FBXO42: variants seen among roughly 807,000 people sequenced by gnomAD.
FBXO42 encodes the protein F-box protein 42, also known as F-box only protein 42.
Under a neutral mutation model 71.7 loss-of-function variants are expected in FBXO42, and 12 were observed. The observed-to-expected ratio is 0.17, with a 90% confidence interval of 0.11 to 0.27. FBXO42 has a LOEUF of 0.27. Among genes scored for constraint, FBXO42 ranks in the 10% least tolerant of loss-of-function variants. The pLI is 1.00. For synonymous variants in FBXO42, 325 were observed against 327.5 expected (o/e 0.99, Z 0.08); for missense variants, 707 against 911.9 (o/e 0.78, Z 2.89).
chr1:16,273,181 CG>C (rs1291999485), intron 4 of FBXO42, among the ~76,000 whole-genome samples: 1 of 152,120 alleles, frequency 6.6e-6, no homozygotes, highest in African/African-American at 2.4e-5. Context: ...GTTAAACAAC[CG>C]GTAACCAGCA....
At chr1:16,332,334 T>C (rs528746111) in intron 1 of FBXO42, among the ~76,000 whole-genome samples, 7 of 152,282 alleles carry the variant, frequency 4.6e-5, no homozygotes, top group African/African-American at 9.6e-5. Flanking sequence ...TTGTTATTAT[T>C]ACCATTGCTA....
At chr1:16,309,440 A>G (rs2082289908) in intron 2 of FBXO42, among the ~76,000 whole-genome samples, 1 of 152,174 alleles carries the variant, frequency 6.6e-6, no homozygotes, top group Non-Finnish European at 1.5e-5. Context: ...TAAAATCTAC[A>G]TGCAAGAAAA....
intron 1 of FBXO42, among the ~76,000 whole-genome samples, chr1:16,322,641 GT>G (rs2082417637): frequency 6.6e-6 from 1 of 152,018 alleles, no homozygotes; most frequent in Non-Finnish European, 1.5e-5. Flanking sequence ...ACACAAATCA[GT>G]TTCTAAAGTC....
At chr1:16,322,071 T>TA (rs200464601) in intron 1 of FBXO42, among the ~76,000 whole-genome samples, 2,604 of 152,032 alleles carry the variant, frequency 0.017, 73 homozygotes, top group African/African-American at 0.059. Flanking sequence ...CTGGGACATG[T>TA]AAAAAAAATT....
At chr1:16,326,776 G>A (rs1216020894) in intron 1 of FBXO42, among the ~76,000 whole-genome samples, 2 of 151,562 alleles carry the variant, frequency 1.3e-5, no homozygotes, top group African/African-American at 2.4e-5. Flanking sequence ...AAACACGTAA[G>A]CCAGAATCAA....
intron 4 of FBXO42, among the ~76,000 whole-genome samples, chr1:16,290,756 G>A (rs1341865490): frequency 5.3e-5 from 8 of 151,466 alleles, no homozygotes; most frequent in Admixed American, 3.3e-4. Context: ...GAAGGTGGCA[G>A]TCTGCAAACC....
intron 3 of FBXO42, among the ~76,000 whole-genome samples, chr1:16,302,867 C>G (rs1045506589): frequency 1.3e-5 from 2 of 152,106 alleles, no homozygotes; most frequent in African/African-American, 4.8e-5. Context: ...ATAACAAGAA[C>G]AGCATGGAGG....
intron 1 of FBXO42, among the ~76,000 whole-genome samples, chr1:16,350,757 A>AAAAAAGAAAG (rs1553156683): frequency 2.1e-3 from 93 of 44,274 alleles, no homozygotes; most frequent in Non-Finnish European, 3.4e-3. Flanking sequence ...AAAAAAAAAA[A>AAAAAAGAAAG]AAAGAAAGAA....
rs1215604854 is a variant in FBXO42 at position 16,249,558 on chromosome 1, TGCTTTGG to T, written c.*1105_*1111del. ...AAATATGGGATGAGTGTGCTCAATG[TGCTTTGG>T]AAGTAAAAAGAAGCCCATAGGGAAA... On this transcript the variant is annotated 3_prime_UTR_variant, in exon 10 of 10. Transcript: ENST00000375592. The T allele has an allele frequency of 6.6e-6, 1 of 152,234 alleles. No individual in the cohort carries two copies. Among genetic ancestry groups the T allele is most frequent in the African/African-American group, 2.4e-5 (1 of 41,464 alleles). 9.4% of individuals were successfully genotyped at this position (152,234 alleles called of 1,614,324 possible).
At chr1:16,295,567 A>G (rs1284644659) in intron 3 of FBXO42, among the ~76,000 whole-genome samples, 1 of 151,718 alleles carries the variant, frequency 6.6e-6, no homozygotes, top group Admixed American at 6.6e-5. Flanking sequence ...ATTTTTTTGT[A>G]TTTTTAGTAG....
At position 16,336,113 on chromosome 1, in the gene FBXO42, T is replaced by C. The variant is rs138471662; in HGVS notation, c.-18+16142A>G. On this transcript the variant is annotated intron_variant, in intron 1 of 9. Coordinates refer to ENST00000375592, the MANE Select transcript of FBXO42 (RefSeq NM_018994.3). ...CCACCATGCCCGGCTAATTTTTCTG[T>C]TTTTAGTAGAGATGGGGTTTCACCA... Among the ~76,000 whole-genome samples the C allele has an allele frequency of 2.6e-3, 388 of 151,500 alleles. 1 individual carries two copies. Among genetic ancestry groups the C allele is most frequent in the Non-Finnish European group, 4.0e-3 (269 of 67,870 alleles).
intron 4 of FBXO42, among the ~76,000 whole-genome samples, chr1:16,259,854 A>AT (rs1354396009): frequency 6.6e-6 from 1 of 152,140 alleles, no homozygotes; most frequent in Non-Finnish European, 1.5e-5. Context: ...TTTTAAAAGT[A>AT]TTCATAAAAC....
chr1:16,284,247 A>G (rs192385002), intron 4 of FBXO42, among the ~76,000 whole-genome samples: 302 of 152,324 alleles, frequency 2.0e-3, no homozygotes, highest in Non-Finnish European at 3.5e-3. Context: ...AGGATTTCCA[A>G]TGGTTTCTGT....
chr1:16,347,558 A>T (rs2082662987), intron 1 of FBXO42, among the ~76,000 whole-genome samples: 1 of 152,014 alleles, frequency 6.6e-6, no homozygotes, highest in Non-Finnish European at 1.5e-5. Context: ...TACAAATTAA[A>T]AAGTAGAAAT....
In FBXO42 at chr1:16,256,759, C is replaced by G; in HGVS notation, c.503G>C (p.Gly168Ala). Residue 168 changes from glycine (G) to alanine (A), a missense_variant and splice_region_variant, in exon 5 of 10, where the codon GGG becomes GCG. Physicochemically the swap from Gly to Ala is moderately conservative, Grantham distance 60 (BLOSUM62 0). Coordinates refer to ENST00000375592, the MANE Select transcript of FBXO42 (RefSeq NM_018994.3). ...TCCAGCTTTGGGGGAAGGATAGGAC[C>G]CTAGGGAAAGTCAGTAACACCATGG... ...SKEWIRPLAS[G>A]SYPSPKAGAT... 2 of 1,613,840 alleles carry G rather than the reference C, an allele frequency of 1.2e-6. No homozygotes were observed. Among genetic ancestry groups the G allele is most frequent in the Non-Finnish European group, 1.7e-6 (2 of 1,179,914 alleles).
intron 4 of FBXO42, among the ~76,000 whole-genome samples, chr1:16,283,873 A>C (rs917743799): frequency 6.6e-6 from 1 of 152,176 alleles, no homozygotes. Flanking sequence ...TTTGAAAATC[A>C]GAATACTCCA....
intron 4 of FBXO42, 97 bp downstream of exon 4, chr1:16,294,686 C>A: frequency 2.3e-6 from 3 of 1,320,676 alleles, no homozygotes; most frequent in Middle Eastern, 1.9e-4. Flanking sequence ...GTCCCAGTAA[C>A]CCATCCTTGA....
At chr1:16,344,326 T>G (rs1249602212) in intron 1 of FBXO42, among the ~76,000 whole-genome samples, 14 of 76,412 alleles carry the variant, frequency 1.8e-4, no homozygotes, top group Non-Finnish European at 3.4e-5. Flanking sequence ...ATATATAATT[T>G]TTTTTTTTTT....
chr1:16,297,997 G>A (rs1293863952), intron 3 of FBXO42, among the ~76,000 whole-genome samples: 2 of 152,038 alleles, frequency 1.3e-5, no homozygotes, highest in African/African-American at 4.8e-5. Context: ...AGGCTGAGGC[G>A]GGTGGATCAC....
Sources: gnomAD v4.1 joint callset for allele counts (sites outside exome capture counted in the v4.1 genomes callset) on GRCh38, gnomAD v4.1.1 for gene constraint, MANE v1.5 for transcripts, NCBI Gene and HGNC (gene_info 2026-07-23, HGNC 2026-07-21) for gene names.